Variants in TAF3 observed in about 807,000 individuals in gnomAD.
The protein encoded by TAF3 is TATA-box binding protein associated factor 3, also known as transcription initiation factor TFIID subunit 3.
TAF3 carries 7 observed loss-of-function variants against 80.6 expected under a neutral mutation model. That is an observed-to-expected ratio of 0.09 (90% CI 0.05 to 0.16). The LOEUF is 0.16. Ranked by LOEUF, TAF3 falls within the 10% of genes least tolerant of loss-of-function variation. The pLI is 1.00. For synonymous variants in TAF3, 444 were observed against 446.1 expected (o/e 1.00, Z 0.06); for missense variants, 921 against 1,140.2 (o/e 0.81, Z 2.77).
chr10:7,983,185 C>T (rs1349306135), intron 4 of TAF3, among the ~76,000 whole-genome samples: 4 of 152,248 alleles, frequency 2.6e-5, no homozygotes, highest in South Asian at 2.1e-4. Flanking sequence ...CAGTCCCTGG[C>T]GAAGCCCCGC....
In TAF3 at chr10:7,832,844, C is replaced by G. The variant is rs191250815; in HGVS notation, c.409+8284C>G. ...GGATTACAGGCATGAGCCACTGCAC[C>G]TGGCCCAGCATTTATCATTTCTTTG... On this transcript the variant is annotated intron_variant, in intron 2 of 6. Coordinates refer to ENST00000344293, the MANE Select transcript of TAF3 (RefSeq NM_031923.4). Among the ~76,000 whole-genome samples the G allele has an allele frequency of 5.7e-4, 87 of 152,328 alleles. 1 individual carries two copies. Among genetic ancestry groups the G allele is most frequent in the Non-Finnish European group, 1.6e-4 (11 of 68,034 alleles).
chr10:7,908,545 G>A (rs907969928), intron 2 of TAF3, among the ~76,000 whole-genome samples: 12 of 152,096 alleles, frequency 7.9e-5, no homozygotes, highest in African/African-American at 2.9e-4. Flanking sequence ...CACCATCATG[G>A]TCACCGTCCC....
chr10:7,818,551 G>A lies in TAF3; in HGVS notation c.-159G>A. 1 of 695,418 alleles carries A rather than the reference G, an allele frequency of 1.4e-6. No homozygotes were observed. The highest frequency in any genetic ancestry group is 2.5e-5 in the South Asian group (1 of 40,218). The allele number at this position is 695,418 out of a possible 1,614,324, so 43.1% of individuals were successfully genotyped here. On this transcript the variant is annotated 5_prime_UTR_variant, in exon 1 of 7. Coordinates refer to ENST00000344293, the MANE Select transcript of TAF3 (RefSeq NM_031923.4). Reference sequence around the variant, plus strand: ...AAAATGGCGGCTCTCAGGCTGGCGCGCTCCGTGCTGCTGGGGCTTTGAGGT... The same window carrying A: ...AAAATGGCGGCTCTCAGGCTGGCGCACTCCGTGCTGCTGGGGCTTTGAGGT...
chr10:7,832,012 C>G (rs1836806113), intron 2 of TAF3, among the ~76,000 whole-genome samples: 1 of 152,072 alleles, frequency 6.6e-6, no homozygotes, highest in Non-Finnish European at 1.5e-5. Flanking sequence ...ACATACCTGT[C>G]ACCTCAAATG....
At chr10:7,890,364 G>T (rs1282297195) in intron 2 of TAF3, among the ~76,000 whole-genome samples, 1 of 152,112 alleles carries the variant, frequency 6.6e-6, no homozygotes, top group African/African-American at 2.4e-5. Flanking sequence ...AAATTGTCTT[G>T]CCCACTGGGT....
intron 4 of TAF3, among the ~76,000 whole-genome samples, chr10:7,989,633 G>T (rs942215178): frequency 3.3e-5 from 5 of 152,140 alleles, no homozygotes; most frequent in Non-Finnish European, 7.4e-5. Flanking sequence ...TACAAAATTT[G>T]TGTTACCTTA....
chr10:7,996,629 A>G (rs565591917), intron 4 of TAF3, among the ~76,000 whole-genome samples: 1 of 149,380 alleles, frequency 6.7e-6, no homozygotes, highest in Non-Finnish European at 1.5e-5. Flanking sequence ...TTTTTTTTGT[A>G]TTTGTTGTGA....
intron 2 of TAF3, among the ~76,000 whole-genome samples, chr10:7,914,054 A>T (rs1303922338): frequency 6.6e-6 from 1 of 152,222 alleles, no homozygotes; most frequent in Non-Finnish European, 1.5e-5. Flanking sequence ...CCTCTTTTAG[A>T]TACCGATTCA....
At chr10:7,963,292 G>C (rs1343112787) in intron 2 of TAF3, among the ~76,000 whole-genome samples, 2 of 152,174 alleles carry the variant, frequency 1.3e-5, no homozygotes, top group East Asian at 3.8e-4. Flanking sequence ...GTGCTTCTAT[G>C]TGCATGAGAG....
At chr10:7,963,106 A>G (rs1160770237) in intron 2 of TAF3, among the ~76,000 whole-genome samples, 1 of 152,190 alleles carries the variant, frequency 6.6e-6, no homozygotes, top group Non-Finnish European at 1.5e-5. Context: ...TCATTGCACC[A>G]TACTCCCTCT....
intron 2 of TAF3, among the ~76,000 whole-genome samples, chr10:7,847,444 T>C (rs1027386761): frequency 7.2e-5 from 11 of 152,166 alleles, no homozygotes; most frequent in African/African-American, 2.7e-4. Context: ...AGGTTACATG[T>C]GTTTAAATTC....
At chr10:8,005,259 C>T (rs953191587) in intron 4 of TAF3, among the ~76,000 whole-genome samples, 1 of 152,198 alleles carries the variant, frequency 6.6e-6, no homozygotes, top group African/African-American at 2.4e-5. Flanking sequence ...ACAGTTTTCC[C>T]TGATCCCACC....
intron 2 of TAF3, among the ~76,000 whole-genome samples, chr10:7,904,499 T>C (rs906326894): frequency 2.0e-5 from 3 of 151,906 alleles, no homozygotes; most frequent in African/African-American, 7.3e-5. Flanking sequence ...GATACACGCA[T>C]TTATCTCATA....
intron 2 of TAF3, among the ~76,000 whole-genome samples, chr10:7,935,723 G>A (rs1275615818): frequency 6.6e-6 from 1 of 152,192 alleles, no homozygotes; most frequent in African/African-American, 2.4e-5. Flanking sequence ...ATCAGGGAGA[G>A]GCCCTACAGG....
intron 2 of TAF3, among the ~76,000 whole-genome samples, chr10:7,865,277 C>G (rs1837199495): frequency 6.6e-6 from 1 of 152,062 alleles, no homozygotes; most frequent in Admixed American, 6.5e-5. Context: ...ACCATCCTGG[C>G]TTACACAGTG....
chr10:7,959,384 A>G lies in TAF3; in HGVS notation c.410-4536A>G, dbSNP rs567111237. On this transcript the variant is annotated intron_variant, in intron 2 of 6. Transcript: ENST00000344293. ...CCAACACTTGAAGTGATTTAGTTTTATAATTCATTTCTATTCCTTTAAATA... is the reference window on the plus strand; with the variant it reads ...CCAACACTTGAAGTGATTTAGTTTTGTAATTCATTTCTATTCCTTTAAATA... 8.5e-5 allele frequency among the ~76,000 whole-genome samples: 13 copies of G among 152,374 alleles called. 1 individual carries two copies. Among genetic ancestry groups the G allele is most frequent in the African/African-American group, 2.9e-4 (12 of 41,590 alleles).
chr10:7,855,445 A>G lies in TAF3; in HGVS notation c.409+30885A>G, dbSNP rs114195153. 3.7e-3 allele frequency among the ~76,000 whole-genome samples: 559 copies of G among 152,318 alleles called. 3 individuals are homozygous for G. The highest frequency in any genetic ancestry group is 0.012 in the African/African-American group (509 of 41,574). ...GAATGTGAATACACCGGATGCCGAG[A>G]TGTCCAGCCTCCTTCCATTTGAGAT... On this transcript the variant is annotated intron_variant, in intron 2 of 6. Transcript: ENST00000344293.
intron 2 of TAF3, among the ~76,000 whole-genome samples, chr10:7,851,188 T>C (rs927561229): frequency 2.0e-5 from 3 of 152,182 alleles, no homozygotes; most frequent in African/African-American, 7.2e-5. Context: ...ATTAAAAATA[T>C]GCTAGTCAGG....
At chr10:7,886,155 C>T (rs1250581972) in intron 2 of TAF3, among the ~76,000 whole-genome samples, 1 of 152,098 alleles carries the variant, frequency 6.6e-6, no homozygotes, top group African/African-American at 2.4e-5. Flanking sequence ...TCTCAAACTC[C>T]TTGGTTCAAG....
Sources: allele counts gnomAD v4.1 joint callset (sites outside exome capture counted in the v4.1 genomes callset), GRCh38; gene constraint gnomAD v4.1.1; transcripts MANE v1.5; gene names NCBI Gene and HGNC (gene_info 2026-07-23, HGNC 2026-07-21).